UGT2B11: variants seen among roughly 807,000 people sequenced by gnomAD.
UGT2B11 encodes the protein UDP-glucuronosyltransferase 2B11.
A neutral mutation model predicts 51.7 loss-of-function variants in UGT2B11; 49 were observed. The observed-to-expected ratio is 0.95, with a 90% CI of 0.75 to 1.20. UGT2B11 has a LOEUF of 1.20. Among genes scored for constraint, UGT2B11 ranks in the 50% most tolerant of loss-of-function variants. UGT2B11 has a pLI of 0.00. For synonymous variants in UGT2B11, 273 were observed against 209.0 expected, an observed-to-expected ratio of 1.31 and a Z score of -2.64; for missense variants, 810 against 622.1, an observed-to-expected ratio of 1.30 and a Z score of -3.21.
chr4:69,208,533 C>T, intron 2 of UGT2B11, 51 bp from the exon 3 acceptor site: 3 of 1,584,598 alleles, frequency 1.9e-6, no homozygotes, highest in Non-Finnish European at 2.6e-6. Context: ...ACAGCAGGCA[C>T]TACTGAAAGA....
the UGT2B11 span, among the ~76,000 whole-genome samples, chr4:69,220,771 A>G: frequency 6.6e-6 from 1 of 151,784 alleles, no homozygotes; most frequent in East Asian, 2.0e-4. Flanking sequence ...ATGATTCCTG[A>G]CTGGTTAATG....
chr4:69,221,436 T>A, the UGT2B11 span, among the ~76,000 whole-genome samples: 1 of 152,318 alleles, frequency 6.6e-6, no homozygotes, highest in Non-Finnish European at 1.5e-5. Context: ...TGGATGAGCA[T>A]TCTTTGCCCT....
chr4:69,212,033 T>C (rs1192640923), intron 2 of UGT2B11, among the ~76,000 whole-genome samples: 10 of 151,534 alleles, frequency 6.6e-5, no homozygotes, highest in Non-Finnish European at 1.3e-4. Flanking sequence ...TTCTTTTACC[T>C]ATTCCTGCAT....
Position 69,200,429 on chromosome 4 carries a change from G to A in UGT2B11, c.*11C>T, listed in dbSNP as rs779855362. 8 of 1,574,930 alleles carry A rather than the reference G, an allele frequency of 5.1e-6. No homozygotes were observed. The highest frequency in any genetic ancestry group is 6.9e-6 in the Non-Finnish European group (8 of 1,157,236). On this transcript the variant is annotated 3_prime_UTR_variant, in exon 6 of 6. Transcript: ENST00000446444. ...TCTATCTGGTTTTCCAGCTTCAAAT[G>A]TCAGACATAACTAATCTCTTTTTCC...
At chr4:69,209,915 GTA>G (rs1476123564) in intron 2 of UGT2B11, among the ~76,000 whole-genome samples, 6 of 151,490 alleles carry the variant, frequency 4.0e-5, no homozygotes, top group Admixed American at 2.0e-4. Flanking sequence ...GTAAGAAATT[GTA>G]TAAAAGTATG....
At chr4:69,215,896 A>G (rs1174311698), upstream of UGT2B11, 2 of 152,090 alleles carry the variant, frequency 1.3e-5, no homozygotes, top group Non-Finnish European at 2.9e-5. Context: ...AATAAATTAA[A>G]TAATAACTTA....
Position 69,204,640 on chromosome 4 carries a change from T to C in UGT2B11, c.1100A>G (p.Lys367Arg). 1 of 1,611,750 alleles carries C rather than the reference T, an allele frequency of 6.2e-7. No homozygotes were observed. Among genetic ancestry groups the C allele is most frequent in the South Asian group, 1.1e-5 (1 of 91,026 alleles). Residue 367 changes from lysine (K) to arginine (R), a missense_variant, in exon 5 of 6, where the codon AAA (lysine) becomes AGA (arginine). By Grantham distance (26) the Lys-to-Arg change is conservative. Coordinates refer to ENST00000446444, the MANE Select transcript of UGT2B11 (RefSeq NM_001073.3). ...IPQNDLLGHPKTRAFITHGGA... is the reference protein window; with the variant it reads ...IPQNDLLGHPRTRAFITHGGA... ...ACCATGAGTTATAAAAGCTCTGGTT[T>C]TTGGATGACCTAGGATTGGATGAAT...
chr4:69,214,512 T>G lies in UGT2B11; in HGVS notation c.211A>C (p.Thr71Pro). The change falls in exon 1 of 6, where the codon ACT becomes CCT. Residue 71 changes from threonine (T) to proline (P), a missense_variant. Thr to Pro is a conservative substitution (Grantham distance 38, BLOSUM62 -1). Coordinates refer to ENST00000446444, the MANE Select transcript of UGT2B11 (RefSeq NM_001073.3). ...SILFDPNDAS[T>P]LKFEVYPTSL... ...GTAGGATAAACTTCAAATTTAAGAGTGGATGCATCATTGGGATCAAAAAGA... is the reference window on the plus strand; with the variant it reads ...GTAGGATAAACTTCAAATTTAAGAGGGGATGCATCATTGGGATCAAAAAGA... The G allele has an allele frequency of 1.2e-6, 2 of 1,612,990 alleles. No individual in the cohort carries two copies. Among genetic ancestry groups the G allele is most frequent in the Non-Finnish European group, 1.7e-6 (2 of 1,179,454 alleles).
At chr4:69,208,521 C>T (rs1227208117) in intron 2 of UGT2B11, 39 bp from the exon 3 acceptor site, 3 of 1,600,312 alleles carry the variant, frequency 1.9e-6, no homozygotes, top group Non-Finnish European at 2.6e-6. Context: ...AAGAGTATCA[C>T]CACAGCAGGC....
At chr4:69,220,021 C>G in the UGT2B11 span, among the ~76,000 whole-genome samples, 7 of 152,134 alleles carry the variant, frequency 4.6e-5, no homozygotes, top group Admixed American at 4.6e-4. Context: ...GCCTAAAAAA[C>G]AAAAGCAAGT....
At chr4:69,211,779 C>A (rs1483315338) in intron 2 of UGT2B11, among the ~76,000 whole-genome samples, 1 of 151,440 alleles carries the variant, frequency 6.6e-6, no homozygotes, top group Non-Finnish European at 1.5e-5. Context: ...TAATTTAATC[C>A]ATTGAATATC....
intron 3 of UGT2B11, among the ~76,000 whole-genome samples, chr4:69,207,502 T>C (rs1273807946): frequency 6.6e-6 from 1 of 151,592 alleles, no homozygotes; most frequent in East Asian, 2.0e-4. Flanking sequence ...TCTGAACCTG[T>C]TCCCCTGCCT....
chr4:69,204,674 A>G (rs1721784991), intron 4 of UGT2B11, 25 bp from the exon 5 acceptor site: 4 of 1,610,368 alleles, frequency 2.5e-6, no homozygotes, highest in Non-Finnish European at 3.4e-6. Flanking sequence ...ATTTTAGCAA[A>G]ATTATTCATA....
chr4:69,205,723 A>C, intron 3 of UGT2B11, 156 bp from the exon 4 acceptor site: 1 of 865,806 alleles, frequency 1.2e-6, no homozygotes, highest in Non-Finnish European at 1.7e-6. Context: ...TTATTTTCTT[A>C]ACTTTTATAA....
At chr4:69,205,778 T>C (rs1349673223) in intron 3 of UGT2B11, 3 of 507,236 alleles carry the variant, frequency 5.9e-6, no homozygotes, top group African/African-American at 4.0e-5. Context: ...AACAGTACCA[T>C]AGAAAAATAA....
chr4:69,202,845 G>A lies in UGT2B11; in HGVS notation c.1310+1585C>T, dbSNP rs188709214. On this transcript the variant is annotated intron_variant, in intron 5 of 5. Transcript: ENST00000446444. ...TTCTTTAAAGGTACATTGATCATTC[G>A]TTATCCTTCCATTTTCTTTGGGATA... Among the ~76,000 whole-genome samples the A allele has an allele frequency of 3.2e-4, 48 of 151,420 alleles. No homozygotes were observed. The East Asian group carries it at 7.3e-3, about 23-fold the overall frequency.
chr4:69,205,124 G>A (rs1577960807), intron 4 of UGT2B11, among the ~76,000 whole-genome samples: 1 of 151,634 alleles, frequency 6.6e-6, no homozygotes, highest in Admixed American at 6.6e-5. Flanking sequence ...AGAGTTACTG[G>A]TGATAGAAGA....
rs202097467 is a variant in UGT2B11 at position 69,214,137 on chromosome 4, T to C, written c.586A>G (p.Ile196Val). ...GLIFPPSYIP[I>V]VMSKLSDQMT... The stretch of plus-strand genomic sequence containing the variant: ...TGATCACTTAATTTTGACATAACAA[T>C]AGGTATGTAGGAAGGAGGGAAAATC... Residue 196 changes from isoleucine to valine, a missense_variant, in exon 1 of 6, where the codon ATT becomes GTT. Transcript: ENST00000446444. 25 of 1,612,360 alleles carry C rather than the reference T, an allele frequency of 1.6e-5. No homozygotes were observed. Among genetic ancestry groups the C allele is most frequent in the Middle Eastern group, 3.3e-4 (2 of 6,066 alleles).
At chr4:69,204,180 A>G (rs1463549345) in intron 5 of UGT2B11, 1 of 306,814 alleles carries the variant, frequency 3.3e-6, no homozygotes, top group Non-Finnish European at 5.8e-6. Context: ...TATTTTTTAT[A>G]TTATCTATAT....
Sources: gnomAD v4.1 joint callset for allele counts (sites outside exome capture counted in the v4.1 genomes callset) on GRCh38, gnomAD v4.1.1 for gene constraint, MANE v1.5 for transcripts, NCBI Gene and HGNC (gene_info 2026-07-23, HGNC 2026-07-21) for gene names.